IRS1: variants seen among roughly 807,000 people sequenced by gnomAD.
IRS1 encodes insulin receptor substrate 1.
IRS1 carries 34 observed loss-of-function variants against 65.6 expected under a neutral mutation model. That is an observed-to-expected ratio of 0.52 (90% CI 0.39 to 0.69). The LOEUF is 0.69. Among genes scored for constraint, IRS1 ranks in the 30% least tolerant of loss-of-function variants. The pLI, the probability that IRS1 is intolerant of heterozygous loss-of-function variation, is 0.00. For synonymous variants in IRS1, 699 were observed against 683.5 expected (o/e 1.02, Z -0.35); for missense variants, 1,641 against 1,720.2 (o/e 0.95, Z 0.81).
rs1406632906 is a variant in IRS1 at position 226,733,368 on chromosome 2, G to A, written c.*2904C>T. On this transcript the variant is annotated 3_prime_UTR_variant, in exon 2 of 2. Coordinates refer to ENST00000305123, the MANE Select transcript of IRS1 (RefSeq NM_005544.3). ...GACCTTTGAAAGTCAGCAAGAAATA[G>A]CCACAAATGTAACATCAGTACTGAT... 2.6e-5 allele frequency: 4 copies of A among 152,264 alleles called. No individual in the cohort carries two copies. The East Asian group carries it at 7.7e-4, about 29-fold the overall frequency. The allele number at this position is 152,264 out of a possible 1,614,324, so 9.4% of individuals were successfully genotyped here.
chr2:226,781,908 G>A (rs1406096383), intron 1 of IRS1, among the ~76,000 whole-genome samples: 6 of 129,050 alleles, frequency 4.6e-5, no homozygotes, highest in Admixed American at 3.0e-4. Flanking sequence ...ACACACACAC[G>A]TTTGGGCAAA....
At chr2:226,786,598 G>C (rs1939490639) in intron 1 of IRS1, among the ~76,000 whole-genome samples, 1 of 147,844 alleles carries the variant, frequency 6.8e-6, no homozygotes, top group Admixed American at 6.8e-5. Flanking sequence ...AGAAACTGGG[G>C]ACAAAGGTGG....
rs935131551 is a variant in IRS1 at position 226,736,009 on chromosome 2, T to C, written c.*263A>G. On this transcript the variant is annotated 3_prime_UTR_variant, in exon 2 of 2. Coordinates refer to ENST00000305123, the MANE Select transcript of IRS1 (RefSeq NM_005544.3). ...AAGTCCTTAAGGTTGAAGATGAAGTTTATGCAGACTCATTATTCTGGTGTC... is the reference window on the plus strand; with the variant it reads ...AAGTCCTTAAGGTTGAAGATGAAGTCTATGCAGACTCATTATTCTGGTGTC... 2.6e-5 allele frequency: 4 copies of C among 152,552 alleles called. No homozygotes were observed. Among genetic ancestry groups the C allele is most frequent in the African/African-American group, 9.7e-5 (4 of 41,400 alleles). 9.4% of individuals were successfully genotyped at this position (152,552 alleles called of 1,614,324 possible).
In IRS1 at chr2:226,736,183, T is replaced by C. The variant is rs994303056; in HGVS notation, c.*89A>G. On this transcript the variant is annotated 3_prime_UTR_variant, in exon 2 of 2. Transcript: ENST00000305123. ...GATATGAGGTCCTAGTTGTGAATCA[T>C]GAAATATTTAGAGTCTGGGTACCCA... 1 of 152,550 alleles carries C rather than the reference T, an allele frequency of 6.6e-6. No homozygotes were observed. Among genetic ancestry groups the C allele is most frequent in the Non-Finnish European group, 1.5e-5 (1 of 68,032 alleles). The allele number at this position is 152,550 out of a possible 1,614,324, so 9.4% of individuals were successfully genotyped here.
chr2:226,775,790 T>C (rs984123224), intron 1 of IRS1, among the ~76,000 whole-genome samples: 2 of 152,216 alleles, frequency 1.3e-5, no homozygotes, highest in Non-Finnish European at 2.9e-5. Context: ...CCTATGCACA[T>C]CCTCCGGTAT....
chr2:226,797,399 G>C lies in IRS1; in HGVS notation c.1340C>G (p.Pro447Arg). 1.2e-6 allele frequency: 2 copies of C among 1,612,386 alleles called. No individual in the cohort carries two copies. The highest frequency in any genetic ancestry group is 1.7e-6 in the Non-Finnish European group (2 of 1,179,270). The change falls in exon 1 of 2, where the codon CCG becomes CGG. Residue 447 changes from proline (P) to arginine (R), a missense_variant. By Grantham distance (103) the Pro-to-Arg change is moderately radical. Coordinates refer to ENST00000305123, the MANE Select transcript of IRS1 (RefSeq NM_005544.3). This position sits in a 1 kb window ranked among gnomAD's most constrained non-coding sequence, Gnocchi z 8.1. ...DFRSSFRSVT[P>R]DSLGHTPPAR... The stretch of plus-strand genomic sequence containing the variant: ...TGGTGGGGTGTGGCCCAGGGAATCC[G>C]GAGTGACACTGCGGAAGGAACTCCG...
chr2:226,784,567 C>G lies in IRS1; in HGVS notation c.*21+10422G>C, dbSNP rs186978242. ...CCTCCCGAGTAGCTGGGATTACAGG[C>G]GCCTGCCACCACGTGCAGCTAATTT... On this transcript the variant is annotated intron_variant, in intron 1 of 1. Transcript: ENST00000305123. Among the ~76,000 whole-genome samples, 808 of 152,236 alleles carry G rather than the reference C, an allele frequency of 5.3e-3. 6 individuals carry two copies. The highest frequency in any genetic ancestry group is 0.018 in the African/African-American group (730 of 41,530).
chr2:226,738,292 T>C (rs1371228117), intron 1 of IRS1, among the ~76,000 whole-genome samples: 1 of 152,198 alleles, frequency 6.6e-6, no homozygotes, highest in African/African-American at 2.4e-5. Flanking sequence ...CACAATTACT[T>C]TTGGACCAAC....
chr2:226,798,406 T>C lies in IRS1; in HGVS notation c.333A>G (p.Leu111=). The C allele has an allele frequency of 1.2e-6, 2 of 1,614,030 alleles. No homozygotes were observed. Among genetic ancestry groups the C allele is most frequent in the Non-Finnish European group, 1.7e-6 (2 of 1,179,998 alleles). ...AEQDSWYQAL[L]QLHNRAKGHH... is the part of the protein sequence containing the mutation. ...GGCCCTTAGCACGGTTGTGCAGCTG[T>C]AGGAGAGCCTGGTACCAGCTGTCTT... The change falls in exon 1 of 2, where the codon CTA becomes CTG. Residue 111 remains leucine, a synonymous_variant. Transcript: ENST00000305123. This position sits in a 1 kb window ranked among gnomAD's most constrained non-coding sequence, Gnocchi z 9.4.
chr2:226,749,283 G>C (rs1357569992), intron 1 of IRS1, among the ~76,000 whole-genome samples: 1 of 152,132 alleles, frequency 6.6e-6, no homozygotes, highest in Non-Finnish European at 1.5e-5. Flanking sequence ...GTTGTGGCCA[G>C]GCAAACGTCC....
At chr2:226,750,788 G>T (rs982809791) in intron 1 of IRS1, among the ~76,000 whole-genome samples, 10 of 152,166 alleles carry the variant, frequency 6.6e-5, no homozygotes, top group African/African-American at 2.2e-4. Flanking sequence ...ATAGAATAAA[G>T]TGGCACTTCT....
At chr2:226,748,504 TA>T (rs1938604580) in intron 1 of IRS1, among the ~76,000 whole-genome samples, 1 of 151,790 alleles carries the variant, frequency 6.6e-6, no homozygotes, top group East Asian at 1.9e-4. Flanking sequence ...TAGTAGACTT[TA>T]AAAAATAAAT....
Position 226,769,020 on chromosome 2 carries a change from A to C in IRS1, c.*21+25969T>G, listed in dbSNP as rs570906095. 6.0e-4 allele frequency among the ~76,000 whole-genome samples: 91 copies of C among 152,302 alleles called. 1 individual carries two copies. The highest frequency in any genetic ancestry group is 1.9e-3 in the African/African-American group (78 of 41,566). ...CATTCTCTAACAACAATGTTGTAACACTTGTCTGCAAAATAGGAACTCATG... is the reference window on the plus strand; with the variant it reads ...CATTCTCTAACAACAATGTTGTAACCCTTGTCTGCAAAATAGGAACTCATG... On this transcript the variant is annotated intron_variant, in intron 1 of 1. Coordinates refer to ENST00000305123, the MANE Select transcript of IRS1 (RefSeq NM_005544.3).
intron 1 of IRS1, among the ~76,000 whole-genome samples, chr2:226,760,563 C>A (rs530322660): frequency 6.6e-6 from 1 of 152,146 alleles, no homozygotes; most frequent in African/African-American, 2.4e-5. Flanking sequence ...TGCAACCTGG[C>A]ATTTACATTC....
intron 1 of IRS1, among the ~76,000 whole-genome samples, chr2:226,748,088 C>T (rs1387975877): frequency 1.3e-5 from 2 of 150,780 alleles, no homozygotes; most frequent in Non-Finnish European, 2.9e-5. Context: ...GTGACCCATT[C>T]ATCACGCTCA....
intron 1 of IRS1, among the ~76,000 whole-genome samples, chr2:226,774,704 G>C (rs1939234962): frequency 6.6e-6 from 1 of 152,182 alleles, no homozygotes; most frequent in Non-Finnish European, 1.5e-5. Context: ...TAACAGGTTG[G>C]TGGTCTAGGT....
In IRS1 at chr2:226,798,229, G is replaced by T; in HGVS notation, c.510C>A (p.Pro170=). The T allele has an allele frequency of 6.2e-7, 1 of 1,613,742 alleles. No homozygotes were observed. The highest frequency in any genetic ancestry group is 8.5e-7 in the Non-Finnish European group (1 of 1,179,992). The stretch of plus-strand genomic sequence containing the variant: ...GGTTCTTTGTCTGACCCAGGCCCTT[G>T]GGCTTCAGGATCACTTGCCAGACCT... ...FKEVWQVILK[P]KGLGQTKNLI... Residue 170 remains proline (P), a synonymous_variant, in exon 1 of 2, where the codon CCC becomes CCA. Transcript: ENST00000305123. This position sits in a 1 kb window ranked among gnomAD's most constrained non-coding sequence, Gnocchi z 9.4.
rs145806509 is a variant in IRS1 at position 226,741,786 on chromosome 2, A to AACACACACACAC, written c.*22-5548_*22-5537dup. Among the ~76,000 whole-genome samples the AACACACACACAC allele has an allele frequency of 6.3e-3, 870 of 138,518 alleles. 2 individuals carry two copies. The highest frequency in any genetic ancestry group is 0.012 in the African/African-American group (431 of 37,012). The allele number at this position is 138,518 out of a possible 152,430, so 90.9% of individuals were successfully genotyped here. The stretch of plus-strand genomic sequence containing the variant: ...CTGAATCTGGCAAATGAGCCCAGTA[A>AACACACACACAC]ACACACACACACACACACACACACA... On this transcript the variant is annotated intron_variant, in intron 1 of 1. Coordinates refer to ENST00000305123, the MANE Select transcript of IRS1 (RefSeq NM_005544.3).
intron 1 of IRS1, among the ~76,000 whole-genome samples, chr2:226,744,458 T>C (rs532940828): frequency 3.3e-5 from 5 of 152,210 alleles, no homozygotes; most frequent in African/African-American, 1.2e-4. Flanking sequence ...CAGTAGAAGA[T>C]TTTCCCTACA....
Sources: gnomAD v4.1 joint callset for allele counts (sites outside exome capture counted in the v4.1 genomes callset) on GRCh38, gnomAD v4.1.1 for gene constraint, Gnocchi (gnomAD v3.1) non-coding constraint, MANE v1.5 for transcripts, NCBI Gene and HGNC (gene_info 2026-07-23, HGNC 2026-07-21) for gene names.